The following RAG1 variants were observed in gnomAD, a reference collection of about 807,000 sequenced individuals.
RAG1 encodes the protein recombination activating 1.
Under a neutral mutation model 62.7 loss-of-function variants are expected in RAG1, and 35 were observed. That is an observed-to-expected ratio of 0.56 (90% CI 0.43 to 0.74). RAG1 has a LOEUF of 0.74. Ranked by LOEUF, RAG1 falls within the 30% of genes least tolerant of loss-of-function variation. RAG1 has a pLI of 0.00. For synonymous variants in RAG1, 461 were observed against 470.3 expected, an observed-to-expected ratio of 0.98 and a Z score of 0.26; for missense variants, 1,169 against 1,278.6, an observed-to-expected ratio of 0.91 and a Z score of 1.31.
At chr11:36,564,350 A>G (rs1304321562), upstream of RAG1, among the ~76,000 whole-genome samples, 1 of 152,114 alleles carries the variant, frequency 6.6e-6, no homozygotes, top group Non-Finnish European at 1.5e-5. Flanking sequence ...CCTAGTCTAT[A>G]GGAATTATGG....
intron 3 of RAG1, among the ~76,000 whole-genome samples, chr11:36,551,640 G>A (rs1323581392): frequency 7.3e-6 from 1 of 137,172 alleles, no homozygotes. Flanking sequence ...AAGTTTTAGG[G>A]TACATGTGCA....
chr11:36,535,400 G>C (rs1460295202), intron 2 of RAG1, among the ~76,000 whole-genome samples: 3 of 152,050 alleles, frequency 2.0e-5, no homozygotes, highest in African/African-American at 7.2e-5. Context: ...AGGATGTAAA[G>C]TCTGAGATAT....
intron 2 of RAG1, among the ~76,000 whole-genome samples, chr11:36,529,157 C>A (rs1860212529): frequency 6.6e-6 from 1 of 152,104 alleles, no homozygotes; most frequent in African/African-American, 2.4e-5. Context: ...CCAGCATCAT[C>A]CTGATACCAA....
At chr11:36,570,534 C>A (rs1355305827) in intron 1 of RAG1, among the ~76,000 whole-genome samples, 13 of 152,080 alleles carry the variant, frequency 8.5e-5, no homozygotes, top group Admixed American at 8.5e-4. Context: ...TGGATAAATA[C>A]CCAGTAGTAG....
At chr11:36,527,514 G>A (rs1860182624) in intron 2 of RAG1, among the ~76,000 whole-genome samples, 1 of 152,136 alleles carries the variant, frequency 6.6e-6, no homozygotes, top group Non-Finnish European at 1.5e-5. Context: ...AAGTCAGGTA[G>A]CGTGATGCCT....
At chr11:36,527,619 A>G (rs1441477725) in intron 2 of RAG1, among the ~76,000 whole-genome samples, 1 of 152,160 alleles carries the variant, frequency 6.6e-6, no homozygotes, top group Non-Finnish European at 1.5e-5. Context: ...AACTCTTTGA[A>G]GAAAGTCAGT....
intron 2 of RAG1, among the ~76,000 whole-genome samples, chr11:36,528,231 A>G (rs1280281385): frequency 2.0e-5 from 3 of 152,200 alleles, no homozygotes; most frequent in South Asian, 2.1e-4. Context: ...AAAATTGACC[A>G]CAAGGTTGGA....
intron 2 of RAG1, among the ~76,000 whole-genome samples, chr11:36,530,430 G>A (rs1407612096): frequency 6.6e-6 from 1 of 151,332 alleles, no homozygotes; most frequent in African/African-American, 2.4e-5. Context: ...TTTTTTATTT[G>A]AGACTTTTTC....
chr11:36,562,152 T>C (rs1007144936), intron 3 of RAG1, among the ~76,000 whole-genome samples: 2 of 152,152 alleles, frequency 1.3e-5, no homozygotes, highest in Admixed American at 1.3e-4. Flanking sequence ...TGACTTATAG[T>C]TTTAACAAGA....
At chr11:36,542,712 T>A (rs1394985861) in intron 3 of RAG1, among the ~76,000 whole-genome samples, 2 of 152,210 alleles carry the variant, frequency 1.3e-5, no homozygotes, top group Non-Finnish European at 2.9e-5. Context: ...GGACTTTCAG[T>A]CATATGAACT....
At chr11:36,534,037 T>C (rs546665629) in intron 2 of RAG1, among the ~76,000 whole-genome samples, 106 of 152,188 alleles carry the variant, frequency 7.0e-4, no homozygotes, top group Middle Eastern at 3.4e-3. Context: ...TTCCTAAGAA[T>C]TTTGAAAAAC....
intron 3 of RAG1, among the ~76,000 whole-genome samples, chr11:36,561,588 C>G (rs764802461): frequency 6.6e-6 from 1 of 152,080 alleles, no homozygotes; most frequent in Non-Finnish European, 1.5e-5. Context: ...AAAGCCCTCC[C>G]CTATGAGGTG....
chr11:36,544,039 A>T (rs527697097), intron 3 of RAG1, among the ~76,000 whole-genome samples: 1 of 152,342 alleles, frequency 6.6e-6, no homozygotes, highest in East Asian at 1.9e-4. Flanking sequence ...TTAACAAATT[A>T]TATACATATG....
chr11:36,558,298 T>G lies in RAG1; in HGVS notation c.-411-5087T>G, dbSNP rs541949498. On this transcript the variant is annotated intron_variant and NMD_transcript_variant, in intron 3 of 9. Coordinates refer to the RAG1 transcript ENST00000534663. Reference sequence around the variant, plus strand: ...GTGTCTGTTAGGTCCATTTGGTCTGTATTACAGTTTAAATCCAGTTTTGGT... The same window carrying G: ...GTGTCTGTTAGGTCCATTTGGTCTGGATTACAGTTTAAATCCAGTTTTGGT... 5.3e-4 allele frequency among the ~76,000 whole-genome samples: 81 copies of G among 152,350 alleles called. 2 individuals carry two copies. The South Asian group carries it at 0.017, about 31-fold the overall frequency.
chr11:36,564,740 G>A (rs1014083538), upstream of RAG1, among the ~76,000 whole-genome samples: 1 of 152,214 alleles, frequency 6.6e-6, no homozygotes, highest in South Asian at 2.1e-4. Context: ...GAAAGTGGGG[G>A]AGAAATGAGC....
intron 2 of RAG1, among the ~76,000 whole-genome samples, chr11:36,523,211 C>T (rs775845127): frequency 4.5e-4 from 69 of 152,162 alleles, no homozygotes; most frequent in Non-Finnish European, 7.2e-4. Flanking sequence ...TTGTATCTCC[C>T]ATAATTCCCA....
At chr11:36,512,197 T>C (rs1859934903) in intron 1 of RAG1, among the ~76,000 whole-genome samples, 1 of 152,206 alleles carries the variant, frequency 6.6e-6, no homozygotes, top group Admixed American at 6.5e-5. Context: ...GCCTGTGAGC[T>C]ATGACGAGAA....
chr11:36,516,555 C>T (rs1342825443), intron 1 of RAG1, among the ~76,000 whole-genome samples: 1 of 152,214 alleles, frequency 6.6e-6, no homozygotes, highest in Non-Finnish European at 1.5e-5. Context: ...ATCTCCTGAC[C>T]TCGTGATCCA....
chr11:36,551,318 A>G (rs556875130), intron 3 of RAG1, among the ~76,000 whole-genome samples: 2 of 152,134 alleles, frequency 1.3e-5, no homozygotes, highest in Non-Finnish European at 2.9e-5. Context: ...ACTAATGGCT[A>G]TATTAGTTTT....
Sources: gnomAD v4.1 joint callset for allele counts (sites outside exome capture counted in the v4.1 genomes callset) on GRCh38, gnomAD v4.1.1 for gene constraint, MANE v1.5 for transcripts, NCBI Gene and HGNC (gene_info 2026-07-23, HGNC 2026-07-21) for gene names.